RASA1: variants seen among roughly 807,000 people sequenced by gnomAD.
RASA1 encodes ras GTPase-activating protein 1.
Under a neutral mutation model 132.2 loss-of-function variants are expected in RASA1, and 25 were observed. The ratio of observed to expected loss-of-function variants is 0.19; its 90% CI spans 0.14 to 0.26. The LOEUF (loss-of-function observed/expected upper bound fraction) is 0.26, where lower values mean the gene tolerates loss of function less well. Ranked by LOEUF, RASA1 falls within the 10% of genes least tolerant of loss-of-function variation. RASA1 has a pLI of 1.00. For missense variants in RASA1, 964 were observed against 1,299.2 expected, an observed-to-expected ratio of 0.74 and a Z score of 3.97; for synonymous variants, 477 against 449.9, an observed-to-expected ratio of 1.06 and a Z score of -0.76.
chr5:87,321,161 C>T (rs1372904691), intron 1 of RASA1, among the ~76,000 whole-genome samples: 11 of 152,076 alleles, frequency 7.2e-5, no homozygotes, highest in Admixed American at 7.2e-4. Context: ...TTCAATGATA[C>T]TGGAGGTGCA....
chr5:87,302,854 A>C (rs1200981348), intron 1 of RASA1, among the ~76,000 whole-genome samples: 1 of 152,044 alleles, frequency 6.6e-6, no homozygotes, highest in Non-Finnish European at 1.5e-5. Flanking sequence ...TGAATCATAA[A>C]CAGGTTGAGG....
chr5:87,351,617 T>C (rs1759284302), intron 8 of RASA1, among the ~76,000 whole-genome samples: 1 of 151,876 alleles, frequency 6.6e-6, no homozygotes, highest in African/African-American at 2.4e-5. Context: ...TTTTCTGAGA[T>C]GTAAATCTGT....
At chr5:87,382,930 A>T (rs986802310) in intron 20 of RASA1, among the ~76,000 whole-genome samples, 8 of 122,296 alleles carry the variant, frequency 6.5e-5, no homozygotes, top group Non-Finnish European at 8.5e-5. Flanking sequence ...AAAAATAATT[A>T]AAAAAAAAAA....
chr5:87,335,419 GTT>G (rs34986349), intron 4 of RASA1, among the ~76,000 whole-genome samples: 2,076 of 72,886 alleles, frequency 0.028, 10 homozygotes, highest in African/African-American at 0.071. Context: ...AAAGAATGAG[GTT>G]TTTTTTTTTT....
In RASA1 at chr5:87,352,331, TTATATA is replaced by T. The variant is rs543563999; in HGVS notation, c.1254-819_1254-814del. ...ACACACACACACATATATATTCTAATTATATATATATAGAAGGTTAAACAAAATCTG... is the reference window on the plus strand; with the variant it reads ...ACACACACACACATATATATTCTAATTATATAGAAGGTTAAACAAAATCTG... On this transcript the variant is annotated intron_variant, in intron 8 of 24. Transcript: ENST00000274376. Among the ~76,000 whole-genome samples the T allele has an allele frequency of 1.8e-4, 27 of 151,122 alleles. No individual in the cohort carries two copies. The South Asian group carries it at 5.4e-3, about 30-fold the overall frequency.
intron 5 of RASA1, among the ~76,000 whole-genome samples, chr5:87,339,958 A>C (rs988242442): frequency 1.3e-5 from 2 of 152,064 alleles, no homozygotes; most frequent in African/African-American, 4.8e-5. Flanking sequence ...CTCCTTCTAA[A>C]ATTCTAATTA....
intron 1 of RASA1, among the ~76,000 whole-genome samples, chr5:87,323,239 A>T (rs1756957608): frequency 6.6e-6 from 1 of 152,200 alleles, no homozygotes; most frequent in Admixed American, 6.5e-5. Context: ...TAAAAAAGTT[A>T]AATAGGAGAA....
Position 87,391,300 on chromosome 5 carries a change from CTG to C in RASA1, c.*418_*419del. On this transcript the variant is annotated 3_prime_UTR_variant, in exon 25 of 25. Transcript: ENST00000274376. Reference sequence around the variant, plus strand: ...CATTCTTATTGACAATTGTGTATAACTGGATTGCAGACTGTTCTTACTGTAAC... The same window carrying C: ...CATTCTTATTGACAATTGTGTATAACGATTGCAGACTGTTCTTACTGTAAC... 1 of 357,886 alleles carries C rather than the reference CTG, an allele frequency of 2.8e-6. No homozygotes were observed. Among genetic ancestry groups the C allele is most frequent in the Non-Finnish European group, 5.2e-6 (1 of 191,646 alleles). The allele number at this position is 357,886 out of a possible 1,614,324, so 22.2% of individuals were successfully genotyped here.
At chr5:87,328,690 C>G (rs1218318325) in intron 1 of RASA1, among the ~76,000 whole-genome samples, 3 of 152,098 alleles carry the variant, frequency 2.0e-5, no homozygotes, top group African/African-American at 4.8e-5. Context: ...ATATGATTCT[C>G]TATGCAGGAC....
intron 24 of RASA1, 130 bp downstream of exon 24, chr5:87,389,657 C>A: frequency 1.7e-6 from 2 of 1,210,172 alleles, no homozygotes; most frequent in Non-Finnish European, 2.4e-6. Flanking sequence ...CATCATATTA[C>A]AAAAGATCTC....
At chr5:87,379,601 A>C in intron 18 of RASA1, 134 bp from the exon 19 acceptor site, 1 of 1,261,312 alleles carries the variant, frequency 7.9e-7, no homozygotes, top group East Asian at 2.7e-5. Flanking sequence ...CCCATTATAC[A>C]AAGAAAAAAG....
chr5:87,331,534 T>C, intron 2 of RASA1, 34 bp downstream of exon 2: 9 of 1,601,378 alleles, frequency 5.6e-6, no homozygotes, highest in Non-Finnish European at 6.0e-6. Flanking sequence ...AGCCAAATGA[T>C]GTAGCTATTT....
At chr5:87,349,088 A>C in intron 7 of RASA1, 126 bp from the exon 8 acceptor site, 2 of 1,210,686 alleles carry the variant, frequency 1.7e-6, no homozygotes, top group Admixed American at 2.4e-5. Context: ...TCTTAAAAAA[A>C]AAACAAGTTC....
intron 21 of RASA1, 51 bp downstream of exon 21, chr5:87,383,831 T>G: frequency 6.9e-7 from 1 of 1,456,672 alleles, no homozygotes; most frequent in Non-Finnish European, 9.6e-7. Flanking sequence ...AATTAACAGT[T>G]TCATACTATT....
At chr5:87,319,642 G>T (rs1756629175) in intron 1 of RASA1, among the ~76,000 whole-genome samples, 1 of 152,198 alleles carries the variant, frequency 6.6e-6, no homozygotes, top group East Asian at 1.9e-4. Context: ...TAGCAGCAGG[G>T]CTCTGGGACT....
intron 1 of RASA1, among the ~76,000 whole-genome samples, chr5:87,304,170 T>C (rs1395972727): frequency 6.6e-6 from 1 of 152,170 alleles, no homozygotes; most frequent in Non-Finnish European, 1.5e-5. Flanking sequence ...TTGTCTGACA[T>C]CAGTTTTCTT....
chr5:87,315,512 CAA>C (rs886768865), intron 1 of RASA1, among the ~76,000 whole-genome samples: 4 of 152,294 alleles, frequency 2.6e-5, no homozygotes, highest in African/African-American at 9.6e-5. Context: ...AAGTTTCTAA[CAA>C]AGGAAATTTG....
intron 9 of RASA1, 21 bp from the exon 10 acceptor site, chr5:87,362,530 T>G: frequency 6.3e-7 from 1 of 1,576,554 alleles, no homozygotes; most frequent in Non-Finnish European, 8.7e-7. Flanking sequence ...TGAAATAATT[T>G]TAATGTTTTT....
In RASA1 at chr5:87,267,990, C is replaced by G. The variant is rs1216694363; in HGVS notation, c.-462C>G. The G allele has an allele frequency of 5.6e-6, 2 of 355,576 alleles. No individual in the cohort carries two copies. Among genetic ancestry groups the G allele is most frequent in the East Asian group, 4.7e-5 (1 of 21,158 alleles). The allele number at this position is 355,576 out of a possible 1,614,324, so 22.0% of individuals were successfully genotyped here. On this transcript the variant is annotated 5_prime_UTR_variant, in exon 1 of 25. Transcript: ENST00000274376. ...CTCATCTGCCTGGTGGAGGATGAAG[C>G]GGCTGCAGTGGCCCCAGCCTCAGCA...
Sources: gnomAD v4.1 joint callset for allele counts (sites outside exome capture counted in the v4.1 genomes callset) on GRCh38, gnomAD v4.1.1 for gene constraint, MANE v1.5 for transcripts, NCBI Gene and HGNC (gene_info 2026-07-23, HGNC 2026-07-21) for gene names.